PCDH11X: variants seen among roughly 807,000 people sequenced by gnomAD.
PCDH11X encodes the protein protocadherin-11 X-linked.
Under a neutral mutation model 53.3 loss-of-function variants are expected in PCDH11X, and 18 were observed. The observed-to-expected ratio is 0.34, with a 90% CI of 0.23 to 0.50. PCDH11X has a LOEUF of 0.50. Among genes scored for constraint, PCDH11X ranks in the 20% least tolerant of loss-of-function variants. The pLI, the probability that PCDH11X is intolerant of heterozygous loss-of-function variation, is 0.98. For synonymous variants in PCDH11X, 279 were observed against 393.3 expected, an observed-to-expected ratio of 0.71 and a Z score of 3.44; for missense variants, 570 against 1,032.4, an observed-to-expected ratio of 0.55 and a Z score of 6.14.
chrX:91,900,099 G>A (rs1257943419), intron 6 of PCDH11X, among the ~76,000 whole-genome samples: 1 of 109,705 alleles, frequency 9.1e-6, no homozygotes, highest in Non-Finnish European at 1.9e-5. Flanking sequence ...GCCCTAAGGG[G>A]TCTCCTTTAT....
intron 6 of PCDH11X, among the ~76,000 whole-genome samples, chrX:91,963,386 G>T (rs2061819618): frequency 9.3e-6 from 1 of 107,599 alleles, no homozygotes; most frequent in South Asian, 4.1e-4. Context: ...CTCTAAGGTA[G>T]GGGCAAAATG....
At chrX:91,867,214 G>GA (rs757243423) in intron 5 of PCDH11X, among the ~76,000 whole-genome samples, 4 of 111,480 alleles carry the variant, frequency 3.6e-5, no homozygotes, top group African/African-American at 1.3e-4. Context: ...TGCACTTGAA[G>GA]AAAAAAATCA....
chrX:91,909,297 T>C (rs1391848498), intron 6 of PCDH11X, among the ~76,000 whole-genome samples: 2 of 110,568 alleles, frequency 1.8e-5, no homozygotes, highest in Non-Finnish European at 3.8e-5. Context: ...TTGTGAAGAA[T>C]TCAATGCTGC....
intron 6 of PCDH11X, among the ~76,000 whole-genome samples, chrX:92,126,133 A>AT (rs35413269): frequency 2.7e-5 from 3 of 109,891 alleles, no homozygotes; most frequent in African/African-American, 6.6e-5. Context: ...GTCTCAAAAA[A>AT]AAAATAAAAT....
chrX:92,515,896 G>A (rs1463150674), intron 10 of PCDH11X, among the ~76,000 whole-genome samples: 1 of 110,896 alleles, frequency 9.0e-6, no homozygotes, highest in Non-Finnish European at 1.9e-5. Flanking sequence ...TCTTTCATTT[G>A]CAAATATACC....
At chrX:91,993,776 G>T (rs947391766) in intron 6 of PCDH11X, among the ~76,000 whole-genome samples, 1 of 111,800 alleles carries the variant, frequency 8.9e-6, no homozygotes, top group South Asian at 3.7e-4. Context: ...GAAATAAAAA[G>T]AAAGGGACCT....
intron 6 of PCDH11X, among the ~76,000 whole-genome samples, chrX:92,141,597 T>G (rs1199970600): frequency 8.9e-6 from 1 of 111,934 alleles, no homozygotes; most frequent in Non-Finnish European, 1.9e-5. Context: ...AAACCTAATG[T>G]TTTTTTCCAA....
intron 10 of PCDH11X, among the ~76,000 whole-genome samples, chrX:92,522,983 C>A (rs2074392753): frequency 9.0e-6 from 1 of 111,201 alleles, no homozygotes. Context: ...GTAAGGCTTT[C>A]TGACAAATCT....
intron 10 of PCDH11X, among the ~76,000 whole-genome samples, chrX:92,593,934 A>G (rs1342948136): frequency 1.1e-5 from 1 of 94,665 alleles, no homozygotes; most frequent in African/African-American, 3.9e-5. Context: ...TTTAACATCT[A>G]TAAGACATGA....
intron 6 of PCDH11X, among the ~76,000 whole-genome samples, chrX:91,927,127 T>C (rs1300464785): frequency 1.8e-5 from 2 of 108,918 alleles, no homozygotes; most frequent in Non-Finnish European, 3.8e-5. Context: ...AGATAGATAA[T>C]GTGCTAAATA....
In PCDH11X at chrX:92,620,366, A is replaced by G. The variant is rs1928390282; in HGVS notation, c.*1426A>G. The G allele has an allele frequency of 9.1e-6, 1 of 109,327 alleles. No homozygotes were observed. The highest frequency in any genetic ancestry group is 1.9e-5 in the Non-Finnish European group (1 of 52,478). 9.0% of individuals were successfully genotyped at this position (109,327 alleles called of 1,213,427 possible). A position where few individuals can be genotyped will look rare whatever the true frequency, so the allele number is the denominator to read the frequency against. ...CCATTATCTTGTATGTGCACATTTT[A>G]TAAATGTACAGAAACATCACCAACT... is the stretch of plus-strand genomic sequence containing the variant. On this transcript the variant is annotated 3_prime_UTR_variant, in exon 11 of 11. Coordinates refer to ENST00000682573, the MANE Select transcript of PCDH11X (RefSeq NM_032968.5).
At chrX:92,018,535 G>A (rs1423244552) in intron 6 of PCDH11X, among the ~76,000 whole-genome samples, 1 of 112,168 alleles carries the variant, frequency 8.9e-6, no homozygotes, top group East Asian at 2.8e-4. Context: ...CCACTTGTGA[G>A]TAATGAATAC....
At chrX:91,964,357 T>A (rs1381465880) in intron 6 of PCDH11X, among the ~76,000 whole-genome samples, 1 of 110,588 alleles carries the variant, frequency 9.0e-6, no homozygotes, top group Non-Finnish European at 1.9e-5. Context: ...CAATGCAAAC[T>A]TGAGAAACAC....
At chrX:92,148,403 T>C (rs1474178880) in intron 6 of PCDH11X, among the ~76,000 whole-genome samples, 2 of 105,264 alleles carry the variant, frequency 1.9e-5, no homozygotes, top group East Asian at 6.0e-4. Flanking sequence ...AATTTTTATA[T>C]TTTTAGTAGA....
At chrX:92,148,368 C>T (rs976766977) in intron 6 of PCDH11X, among the ~76,000 whole-genome samples, 14 of 103,662 alleles carry the variant, frequency 1.4e-4, no homozygotes, top group African/African-American at 4.9e-4. Flanking sequence ...GCTGGGATTA[C>T]AGGCATGCGC....
intron 6 of PCDH11X, among the ~76,000 whole-genome samples, chrX:91,907,123 A>G (rs1385668365): frequency 9.0e-6 from 1 of 111,189 alleles, no homozygotes. Context: ...AAATAAGATG[A>G]CATGACTAGT....
chrX:91,948,942 T>C (rs1047755004), intron 6 of PCDH11X, among the ~76,000 whole-genome samples: 9 of 110,907 alleles, frequency 8.1e-5, no homozygotes, highest in Non-Finnish European at 1.7e-4. Context: ...TTTAAACTAA[T>C]TTAGCAGGAT....
intron 10 of PCDH11X, among the ~76,000 whole-genome samples, chrX:92,510,244 G>T (rs1186176069): frequency 9.8e-6 from 1 of 101,923 alleles, no homozygotes; most frequent in Non-Finnish European, 2.0e-5. Flanking sequence ...GTCTATAGAG[G>T]TATCCTAATC....
At chrX:92,399,053 C>T (rs756100710) in intron 9 of PCDH11X, among the ~76,000 whole-genome samples, 2 of 108,533 alleles carry the variant, frequency 1.8e-5, no homozygotes, top group Admixed American at 2.0e-4. Flanking sequence ...ATTAGCCGGT[C>T]GTGGTGGTGG....
Sources: allele counts gnomAD v4.1 joint callset (sites outside exome capture counted in the v4.1 genomes callset), GRCh38; gene constraint gnomAD v4.1.1; transcripts MANE v1.5; gene names NCBI Gene and HGNC (gene_info 2026-07-23, HGNC 2026-07-21).